The following CSMD2 variants were observed in gnomAD, a reference collection of about 807,000 sequenced individuals.
CSMD2 encodes the protein CUB and Sushi multiple domains 2.
CSMD2 carries 130 observed loss-of-function variants against 398.5 expected under a neutral mutation model. The ratio of observed to expected loss-of-function variants is 0.33; its 90% CI spans 0.28 to 0.38. The LOEUF is 0.38. Among genes scored for constraint, CSMD2 ranks in the 10% least tolerant of loss-of-function variants. CSMD2 has a pLI of 1.00. For synonymous variants in CSMD2, 1,828 were observed against 1,908.5 expected (o/e 0.96, Z 1.10); for missense variants, 3,829 against 4,764.9 (o/e 0.80, Z 5.78).
At chr1:33,758,983 A>G (rs1479324343) in intron 13 of CSMD2, among the ~76,000 whole-genome samples, 2 of 152,202 alleles carry the variant, frequency 1.3e-5, no homozygotes, top group Non-Finnish European at 2.9e-5. Flanking sequence ...TTGAGATATG[A>G]GTAATAAATA....
At chr1:34,154,310 T>G (rs931743072) in intron 1 of CSMD2, among the ~76,000 whole-genome samples, 1 of 152,192 alleles carries the variant, frequency 6.6e-6, no homozygotes, top group Non-Finnish European at 1.5e-5. Context: ...TGGCACACCA[T>G]TTCCATGGTG....
At chr1:34,026,405 T>A (rs1367502122) in intron 3 of CSMD2, among the ~76,000 whole-genome samples, 1 of 152,194 alleles carries the variant, frequency 6.6e-6, no homozygotes, top group Non-Finnish European at 1.5e-5. Context: ...CAGGTCTGAT[T>A]TTTAAGGAAG....
chr1:33,972,753 C>T (rs78563316), intron 3 of CSMD2, among the ~76,000 whole-genome samples: 8,758 of 152,180 alleles, frequency 0.058, 605 homozygotes, highest in African/African-American at 0.16. Flanking sequence ...TTCTGGCCTC[C>T]GGAACTGTAA....
chr1:33,558,475 T>TTA (rs1658247783), intron 54 of CSMD2, among the ~76,000 whole-genome samples: 1 of 152,246 alleles, frequency 6.6e-6, no homozygotes, highest in South Asian at 2.1e-4. Flanking sequence ...GGATAAGATT[T>TTA]TAGAATAATG....
At chr1:33,597,605 T>C (rs1486705084) in intron 44 of CSMD2, among the ~76,000 whole-genome samples, 1 of 152,206 alleles carries the variant, frequency 6.6e-6, no homozygotes, top group Non-Finnish European at 1.5e-5. Context: ...TAAAACCCAG[T>C]GTTTGCAAGG....
At position 33,589,132 on chromosome 1, in the gene CSMD2, G is replaced by A. The variant is rs992143245; in HGVS notation, c.6857-1964C>T. On this transcript the variant is annotated intron_variant, in intron 44 of 70. Coordinates refer to ENST00000373381, the MANE Select transcript of CSMD2 (RefSeq NM_001281956.2). The stretch of plus-strand genomic sequence containing the variant: ...TGAAATGTGGGTGTTAAAACTAAGA[G>A]GCACTCTTGAGGTAACCAAGTGGGT... Among the ~76,000 whole-genome samples, 8 of 152,178 alleles carry A rather than the reference G, an allele frequency of 5.3e-5. No individual in the cohort carries two copies. The East Asian group carries it at 7.7e-4, about 15-fold the overall frequency.
intron 27 of CSMD2, among the ~76,000 whole-genome samples, chr1:33,652,879 C>T (rs899679016): frequency 2.6e-5 from 4 of 152,150 alleles, no homozygotes; most frequent in African/African-American, 4.8e-5. Context: ...CTCAGCCTCC[C>T]AAGCAGCTGG....
chr1:33,575,992 T>C (rs1468159692), intron 49 of CSMD2, among the ~76,000 whole-genome samples: 1 of 152,198 alleles, frequency 6.6e-6, no homozygotes, highest in Non-Finnish European at 1.5e-5. Flanking sequence ...TTTTTTTAAA[T>C]GCAGTGCCTA....
Position 33,810,744 on chromosome 1 carries a change from T to C in CSMD2, c.1445A>G (p.Lys482Arg). 1 of 1,612,768 alleles carries C rather than the reference T, an allele frequency of 6.2e-7. No individual in the cohort carries two copies. The highest frequency in any genetic ancestry group is 8.5e-7 in the Non-Finnish European group (1 of 1,179,488). The change falls in exon 10 of 71, where the codon AAG becomes AGG. Residue 482 changes from lysine (K) to arginine (R), a missense_variant and splice_region_variant. This residue lies in a region of CSMD2 where 2,001 missense variants were observed against 2,567.1 expected (regional missense o/e 0.78). Coordinates refer to ENST00000373381, the MANE Select transcript of CSMD2 (RefSeq NM_001281956.2). Reference protein sequence around the residue: ...VWIITALNPSKVIKLAFEEFD... With the variant: ...VWIITALNPSRVIKLAFEEFD... ...CACCCCGCTCCCCAAGAGGCTTACC[T>C]TGGAGGGGTTGAGTGCTGTGATGAT... is the stretch of plus-strand genomic sequence containing the variant.
intron 25 of CSMD2, among the ~76,000 whole-genome samples, chr1:33,681,103 T>G (rs1436015781): frequency 4.0e-5 from 6 of 151,862 alleles, no homozygotes; most frequent in Non-Finnish European, 8.8e-5. Context: ...TTTTCTATTT[T>G]TAGTAAGATG....
intron 23 of CSMD2, among the ~76,000 whole-genome samples, 200 bp from the exon 24 acceptor site, chr1:33,699,144 T>A (rs547680206): frequency 6.6e-6 from 1 of 152,352 alleles, no homozygotes; most frequent in South Asian, 2.1e-4. Context: ...TCTGTTGCTA[T>A]ATGTAAATGA....
In CSMD2 at chr1:33,918,202, G is replaced by T. The variant is rs1643823551; in HGVS notation, c.812C>A (p.Thr271Asn). 6 of 1,614,158 alleles carry T rather than the reference G, an allele frequency of 3.7e-6. No homozygotes were observed. The highest frequency in any genetic ancestry group is 4.2e-6 in the Non-Finnish European group (5 of 1,180,038). ...GGTGTCCCCCAGCTCAGCCAGGATG[G>T]TCCATGTGCAGTCGGCATTGTTATG... ...EYHNNADCTWTILAELGDTIA... is the reference protein window; with the variant it reads ...EYHNNADCTWNILAELGDTIA... The change falls in exon 5 of 71, where the codon ACC becomes AAC. Residue 271 changes from threonine (T) to asparagine (N), a missense_variant. Physicochemically the swap from Thr to Asn is moderately conservative, Grantham distance 65. This residue lies in a region of CSMD2 where 2,001 missense variants were observed against 2,567.1 expected (regional missense o/e 0.78). Coordinates refer to ENST00000373381, the MANE Select transcript of CSMD2 (RefSeq NM_001281956.2).
At chr1:33,562,707 C>T (rs1658687380) in intron 53 of CSMD2, among the ~76,000 whole-genome samples, 1 of 152,170 alleles carries the variant, frequency 6.6e-6, no homozygotes, top group Admixed American at 6.5e-5. Context: ...GATAACATTT[C>T]AATCAGGAGG....
chr1:33,843,797 C>T (rs1232265660), intron 6 of CSMD2, among the ~76,000 whole-genome samples: 1 of 152,196 alleles, frequency 6.6e-6, no homozygotes, highest in African/African-American at 2.4e-5. Flanking sequence ...ATCCCCTGAT[C>T]CCCTCCTCAC....
chr1:34,111,110 T>C (rs1047878496), intron 1 of CSMD2, among the ~76,000 whole-genome samples: 3 of 152,218 alleles, frequency 2.0e-5, no homozygotes, highest in Admixed American at 6.5e-5. Context: ...GAAAGGCCTT[T>C]GTTTTACTCA....
intron 19 of CSMD2, among the ~76,000 whole-genome samples, chr1:33,722,879 G>A (rs1646403712): frequency 6.6e-6 from 1 of 152,014 alleles, no homozygotes; most frequent in Admixed American, 6.5e-5. Flanking sequence ...GAGTTTATGT[G>A]ATTAAATGCT....
chr1:33,866,733 T>C (rs1182693678), intron 5 of CSMD2, among the ~76,000 whole-genome samples: 1 of 152,204 alleles, frequency 6.6e-6, no homozygotes, highest in East Asian at 1.9e-4. Flanking sequence ...CTCCTTACTA[T>C]AAGGGTGCTG....
At position 33,620,013 on chromosome 1, in the gene CSMD2, A is replaced by T. The variant is rs1306132682; in HGVS notation, c.5827+2154T>A. Among the ~76,000 whole-genome samples, 7 of 152,228 alleles carry T rather than the reference A, an allele frequency of 4.6e-5. No homozygotes were observed. In the East Asian group the frequency reaches 1.2e-3, roughly 25 times the overall value. On this transcript the variant is annotated intron_variant, in intron 37 of 70. Coordinates refer to ENST00000373381, the MANE Select transcript of CSMD2 (RefSeq NM_001281956.2). ...GAGAAGAGCAGAATGAGGACAAAAAAGCGTGGTAGGAAGAAAAATGGAATG... is the reference window on the plus strand; with the variant it reads ...GAGAAGAGCAGAATGAGGACAAAAATGCGTGGTAGGAAGAAAAATGGAATG...
intron 41 of CSMD2, among the ~76,000 whole-genome samples, chr1:33,608,173 T>C (rs1049308340): frequency 1.3e-5 from 2 of 150,672 alleles, no homozygotes; most frequent in African/African-American, 4.9e-5. Context: ...GCCAGGGCTC[T>C]GTGGGGGTAG....
Sources: allele counts gnomAD v4.1 joint callset (sites outside exome capture counted in the v4.1 genomes callset), GRCh38; gene constraint gnomAD v4.1.1; regional missense constraint gnomAD v4.1.1; transcripts MANE v1.5; gene names NCBI Gene and HGNC (gene_info 2026-07-23, HGNC 2026-07-21).